RPH3A: variants seen among roughly 807,000 people sequenced by gnomAD.
The protein encoded by RPH3A is rabphilin-3A.
In RPH3A, 48 loss-of-function variants were observed where a neutral mutation model predicts 102.2. The observed-to-expected ratio is 0.47, with a 90% confidence interval of 0.37 to 0.60. The LOEUF is 0.60. RPH3A is among the 20% of genes least tolerant of loss of function. The pLI is 0.00. For synonymous variants in RPH3A, 310 were observed against 324.3 expected, an observed-to-expected ratio of 0.96 and a Z score of 0.47; for missense variants, 781 against 910.1, an observed-to-expected ratio of 0.86 and a Z score of 1.83.
rs547709848 is a variant in RPH3A at position 112,632,122 on chromosome 12, C to T, written c.-140+56803C>T. ...TGATGGTTTTTAAAAAGAGGAGTTC[C>T]CCTGCACAAGCTCTCTCTCTGCCTG... is the stretch of plus-strand genomic sequence containing the variant. On this transcript the variant is annotated intron_variant, in intron 1 of 21. Transcript: ENST00000543106. Among the ~76,000 whole-genome samples the T allele has an allele frequency of 2.4e-3, 362 of 152,168 alleles. 2 individuals are homozygous for T. Among genetic ancestry groups the T allele is most frequent in the African/African-American group, 8.6e-3 (358 of 41,526 alleles).
At chr12:112,780,265 G>C (rs760482608) in intron 1 of RPH3A, among the ~76,000 whole-genome samples, 34 of 152,198 alleles carry the variant, frequency 2.2e-4, no homozygotes, top group Middle Eastern at 3.4e-3. Flanking sequence ...TTGCATTATG[G>C]TTAGGTTTGG....
At chr12:112,664,261 A>G (rs555320962) in intron 1 of RPH3A, among the ~76,000 whole-genome samples, 220 of 152,222 alleles carry the variant, frequency 1.4e-3, no homozygotes, top group African/African-American at 4.9e-3. Flanking sequence ...GGAAGGAAGA[A>G]GGCAGAGGAC....
chr12:112,669,994 A>G (rs1295028278), intron 1 of RPH3A, among the ~76,000 whole-genome samples: 1 of 152,220 alleles, frequency 6.6e-6, no homozygotes, highest in Non-Finnish European at 1.5e-5. Context: ...ACAATGTTAT[A>G]GTGTCCATGT....
intron 1 of RPH3A, among the ~76,000 whole-genome samples, chr12:112,736,458 G>A (rs1286223959): frequency 6.6e-6 from 1 of 152,176 alleles, no homozygotes; most frequent in Non-Finnish European, 1.5e-5. Flanking sequence ...GTCTTCTTCA[G>A]CATCTTGCAT....
intron 1 of RPH3A, among the ~76,000 whole-genome samples, chr12:112,621,678 A>G (rs1182830886): frequency 0.012 from 1,820 of 151,838 alleles, 10 homozygotes; most frequent in Middle Eastern, 0.045. Context: ...CAAAGCAGCC[A>G]GGAAGCTCGA....
chr12:112,595,917 T>A (rs1262008183), intron 1 of RPH3A, among the ~76,000 whole-genome samples: 2 of 152,152 alleles, frequency 1.3e-5, no homozygotes, highest in Non-Finnish European at 2.9e-5. Flanking sequence ...ACCCAGCTCC[T>A]ATGCTGCAGC....
chr12:112,580,567 CTAATTT>C (rs956887802), intron 1 of RPH3A, among the ~76,000 whole-genome samples: 1 of 151,828 alleles, frequency 6.6e-6, no homozygotes, highest in Non-Finnish European at 1.5e-5. Flanking sequence ...CCACGCCCGG[CTAATTT>C]TTTTTTGTAT....
At chr12:112,587,261 AAG>A (rs1162304879) in intron 1 of RPH3A, among the ~76,000 whole-genome samples, 2 of 152,234 alleles carry the variant, frequency 1.3e-5, no homozygotes, top group African/African-American at 4.8e-5. Context: ...TATTTAGAGA[AAG>A]AGGTAATAAA....
chr12:112,724,646 G>A (rs565338359), intron 1 of RPH3A, among the ~76,000 whole-genome samples: 7 of 152,342 alleles, frequency 4.6e-5, no homozygotes, highest in African/African-American at 7.2e-5. Flanking sequence ...CTAGCACAGT[G>A]CCTGGCACAT....
intron 1 of RPH3A, among the ~76,000 whole-genome samples, chr12:112,695,680 G>A (rs1446196437): frequency 1.3e-5 from 2 of 152,240 alleles, no homozygotes; most frequent in Non-Finnish European, 2.9e-5. Context: ...TAGAGGTTAA[G>A]AGATTGGCCC....
chr12:112,641,366 T>C (rs1033578167), intron 1 of RPH3A, among the ~76,000 whole-genome samples: 5 of 152,310 alleles, frequency 3.3e-5, no homozygotes, highest in African/African-American at 1.2e-4. Flanking sequence ...GATGTGAAGA[T>C]TGGAATCTTT....
At chr12:112,733,025 G>A (rs2040644932) in intron 1 of RPH3A, among the ~76,000 whole-genome samples, 1 of 152,128 alleles carries the variant, frequency 6.6e-6, no homozygotes, top group Non-Finnish European at 1.5e-5. Flanking sequence ...TATGCATCAA[G>A]CTGCTCCTGT....
At chr12:112,819,098 G>A (rs921856692) in intron 2 of RPH3A, among the ~76,000 whole-genome samples, 20 of 151,242 alleles carry the variant, frequency 1.3e-4, no homozygotes, top group South Asian at 2.1e-4. Flanking sequence ...ATATATATAT[G>A]TGTGTGTGTG....
At chr12:112,633,783 T>C (rs1056080271) in intron 1 of RPH3A, among the ~76,000 whole-genome samples, 36 of 152,254 alleles carry the variant, frequency 2.4e-4, no homozygotes, top group African/African-American at 8.7e-4. Context: ...GAGACATGTT[T>C]CTTGAAGGTC....
At chr12:112,877,816 C>T (rs766092796) in intron 13 of RPH3A, among the ~76,000 whole-genome samples, 7 of 152,178 alleles carry the variant, frequency 4.6e-5, no homozygotes, top group East Asian at 1.9e-4. Context: ...TGTTGTTATG[C>T]GTATGGACAT....
chr12:112,879,099 C>T lies in RPH3A; in HGVS notation c.1172-20C>T, dbSNP rs1408202554. 2 of 1,598,452 alleles carry T rather than the reference C, an allele frequency of 1.3e-6. No homozygotes were observed. Among genetic ancestry groups the T allele is most frequent in the Non-Finnish European group, 1.7e-6 (2 of 1,166,366 alleles). ...TGACTGAATATTCGTTATCTTGGTTCCTGTCTCTGCCCCCTTCAGCCACCC... is the reference window on the plus strand; with the variant it reads ...TGACTGAATATTCGTTATCTTGGTTTCTGTCTCTGCCCCCTTCAGCCACCC... On this transcript the variant is annotated intron_variant, in intron 13 of 21. Transcript: ENST00000389385.
At chr12:112,648,423 A>G in intron 1 of RPH3A, among the ~76,000 whole-genome samples, 1 of 151,334 alleles carries the variant, frequency 6.6e-6, no homozygotes, top group Non-Finnish European at 1.5e-5. Context: ...TCTGTAGGTG[A>G]CATTCTCAGA....
At chr12:112,631,097 G>A (rs2039800763) in intron 1 of RPH3A, among the ~76,000 whole-genome samples, 1 of 152,156 alleles carries the variant, frequency 6.6e-6, no homozygotes, top group Non-Finnish European at 1.5e-5. Flanking sequence ...CAGGTGCACA[G>A]TGGGTAACTC....
At chr12:112,692,547 C>T (rs1474115496) in intron 1 of RPH3A, among the ~76,000 whole-genome samples, 1 of 152,062 alleles carries the variant, frequency 6.6e-6, no homozygotes, top group Non-Finnish European at 1.5e-5. Flanking sequence ...TTGGACAGTT[C>T]AAGATTAAGA....
Sources: allele counts gnomAD v4.1 joint callset (sites outside exome capture counted in the v4.1 genomes callset), GRCh38; gene constraint gnomAD v4.1.1; transcripts MANE v1.5; gene names NCBI Gene and HGNC (gene_info 2026-07-23, HGNC 2026-07-21).